DTD1: variants seen among roughly 807,000 people sequenced by gnomAD.
DTD1 encodes the protein D-tyrosyl-tRNA deacylase 1 homolog.
A neutral mutation model predicts 25.6 loss-of-function variants in DTD1; 13 were observed. That is an observed-to-expected ratio of 0.51 (90% confidence interval 0.33 to 0.81). The LOEUF (loss-of-function observed/expected upper bound fraction) is 0.81. Among genes scored for constraint, DTD1 ranks in the 30% least tolerant of loss-of-function variants. The probability of loss-of-function intolerance (pLI) is 0.02; values close to 1 mark genes in which losing one functional copy is unlikely to be tolerated. For synonymous variants in DTD1, 110 were observed against 103.6 expected (o/e 1.06, Z -0.37); for missense variants, 193 against 266.4 (o/e 0.72, Z 1.92).
chr20:18,648,644 G>T (rs1371667966), intron 4 of DTD1, among the ~76,000 whole-genome samples: 1 of 151,918 alleles, frequency 6.6e-6, no homozygotes, highest in Non-Finnish European at 1.5e-5. Context: ...ACTTGTCATG[G>T]TGCTTCTATT....
At chr20:18,618,006 C>G (rs1173053598) in intron 3 of DTD1, among the ~76,000 whole-genome samples, 1 of 152,114 alleles carries the variant, frequency 6.6e-6, no homozygotes, top group East Asian at 1.9e-4. Context: ...TGGATTATTT[C>G]TAATTTATGT....
chr20:18,656,062 C>A (rs147254256), intron 4 of DTD1, among the ~76,000 whole-genome samples: 19 of 152,340 alleles, frequency 1.2e-4, no homozygotes, highest in Admixed American at 8.5e-4. Flanking sequence ...TGAGCCACCA[C>A]ACCTGGCCTC....
At chr20:18,673,647 C>G (rs2060958931) in intron 4 of DTD1, among the ~76,000 whole-genome samples, 1 of 152,140 alleles carries the variant, frequency 6.6e-6, no homozygotes, top group African/African-American at 2.4e-5. Flanking sequence ...AATACCCTTA[C>G]AGGAGAGGGA....
intron 4 of DTD1, among the ~76,000 whole-genome samples, chr20:18,638,808 G>C (rs2060818176): frequency 1.3e-5 from 2 of 152,120 alleles, no homozygotes; most frequent in Non-Finnish European, 2.9e-5. Context: ...TGTGTGGCTT[G>C]TGACAGGGTG....
intron 4 of DTD1, among the ~76,000 whole-genome samples, chr20:18,708,555 C>T (rs1276303691): frequency 3.3e-5 from 5 of 150,068 alleles, no homozygotes; most frequent in East Asian, 2.0e-4. Context: ...GGGGTTTCAC[C>T]GTGTTGGCCA....
chr20:18,735,898 T>G (rs765120696), intron 4 of DTD1, among the ~76,000 whole-genome samples: 5 of 152,186 alleles, frequency 3.3e-5, no homozygotes, highest in African/African-American at 4.8e-5. Flanking sequence ...CTTTTTTGCT[T>G]CTCTGTGGTG....
intron 4 of DTD1, among the ~76,000 whole-genome samples, chr20:18,661,715 A>G (rs894186972): frequency 3.9e-5 from 6 of 152,156 alleles, no homozygotes; most frequent in African/African-American, 7.2e-5. Flanking sequence ...CATTTATGAA[A>G]CTTTGTTTAA....
At chr20:18,741,444 A>G (rs1407237719) in intron 4 of DTD1, among the ~76,000 whole-genome samples, 5 of 152,210 alleles carry the variant, frequency 3.3e-5, no homozygotes, top group Non-Finnish European at 7.3e-5. Context: ...TGCACTGATT[A>G]GTAACTCTGC....
intron 4 of DTD1, 52 bp downstream of exon 4, chr20:18,628,285 C>T (rs1023947955): frequency 3.0e-5 from 43 of 1,429,960 alleles, no homozygotes; most frequent in Non-Finnish European, 4.0e-5. Context: ...CTGTAACATC[C>T]CTTTAGTCCC....
intron 4 of DTD1, among the ~76,000 whole-genome samples, chr20:18,677,092 G>T (rs2060979184): frequency 6.6e-6 from 1 of 152,262 alleles, no homozygotes; most frequent in Middle Eastern, 3.4e-3. Context: ...ACCTTCTCTT[G>T]TGAACTTTAT....
chr20:18,647,347 T>C (rs1350421524), intron 4 of DTD1, among the ~76,000 whole-genome samples: 1 of 152,158 alleles, frequency 6.6e-6, no homozygotes, highest in Non-Finnish European at 1.5e-5. Flanking sequence ...CAAGAGCTTG[T>C]CCCTTAGTGA....
chr20:18,703,667 GC>G (rs1568674926), intron 4 of DTD1, among the ~76,000 whole-genome samples: 2 of 150,842 alleles, frequency 1.3e-5, no homozygotes, highest in Non-Finnish European at 2.9e-5. Flanking sequence ...ATTTTGGCAA[GC>G]AATTTTTAAT....
intron 4 of DTD1, among the ~76,000 whole-genome samples, chr20:18,724,546 C>T (rs1225463118): frequency 6.6e-6 from 1 of 151,960 alleles, no homozygotes; most frequent in Non-Finnish European, 1.5e-5. Flanking sequence ...TTTTTAATAA[C>T]AAAAAGTTCA....
At chr20:18,620,791 C>T (rs1451426648) in intron 3 of DTD1, among the ~76,000 whole-genome samples, 1 of 152,012 alleles carries the variant, frequency 6.6e-6, no homozygotes, top group Non-Finnish European at 1.5e-5. Context: ...TAGAATATTG[C>T]TGTGTTGCCC....
chr20:18,661,581 C>T (rs912296390), intron 4 of DTD1, among the ~76,000 whole-genome samples: 1 of 152,116 alleles, frequency 6.6e-6, no homozygotes, highest in Non-Finnish European at 1.5e-5. Flanking sequence ...CCGTGTTAGC[C>T]AGGATGGTTT....
chr20:18,667,688 T>G (rs1275128323), intron 4 of DTD1, among the ~76,000 whole-genome samples: 1 of 152,228 alleles, frequency 6.6e-6, no homozygotes, highest in Non-Finnish European at 1.5e-5. Flanking sequence ...GTCTGCCTTA[T>G]GAACTGACCA....
intron 4 of DTD1, among the ~76,000 whole-genome samples, chr20:18,689,354 A>G (rs542774270): frequency 6.6e-6 from 1 of 152,124 alleles, no homozygotes; most frequent in Non-Finnish European, 1.5e-5. Context: ...AAAATTCTTT[A>G]TCAGTTTTCT....
chr20:18,614,264 T>G (rs559083846), intron 3 of DTD1, among the ~76,000 whole-genome samples: 1 of 152,248 alleles, frequency 6.6e-6, no homozygotes, highest in South Asian at 2.1e-4. Flanking sequence ...CTGGGCAAAC[T>G]AGGATGGCTG....
intron 4 of DTD1, among the ~76,000 whole-genome samples, chr20:18,692,471 G>T (rs888734445): frequency 1.3e-5 from 2 of 152,312 alleles, no homozygotes; most frequent in East Asian, 3.9e-4. Context: ...ATTTTACTCT[G>T]CCTTTATGAC....
Sources: allele counts gnomAD v4.1 joint callset (sites outside exome capture counted in the v4.1 genomes callset), GRCh38; gene constraint gnomAD v4.1.1; transcripts MANE v1.5; gene names NCBI Gene and HGNC (gene_info 2026-07-23, HGNC 2026-07-21).